The following COL25A1 variants were observed in gnomAD, a reference collection of about 807,000 sequenced individuals.
COL25A1 encodes the protein collagen type XXV alpha 1 chain.
Under a neutral mutation model 128.4 loss-of-function variants are expected in COL25A1, and 103 were observed. The ratio of observed to expected loss-of-function variants is 0.80; its 90% CI spans 0.68 to 0.94. The LOEUF (loss-of-function observed/expected upper bound fraction) is 0.94, where lower values mean the gene tolerates loss of function less well. COL25A1 is among the 40% of genes least tolerant of loss of function. The pLI is 0.00. For synonymous variants in COL25A1, 279 were observed against 277.2 expected, an observed-to-expected ratio of 1.01 and a Z score of -0.06; for missense variants, 745 against 840.0, an observed-to-expected ratio of 0.89 and a Z score of 1.40.
intron 3 of COL25A1, among the ~76,000 whole-genome samples, chr4:109,163,834 T>C (rs1772815062): frequency 6.6e-6 from 1 of 152,176 alleles, no homozygotes; most frequent in South Asian, 2.1e-4. Context: ...TCATTTTTAT[T>C]TACAAAAGTA....
At chr4:109,174,806 G>A (rs1376105586) in intron 3 of COL25A1, among the ~76,000 whole-genome samples, 1 of 152,112 alleles carries the variant, frequency 6.6e-6, no homozygotes, top group Non-Finnish European at 1.5e-5. Flanking sequence ...ATAGACTAGG[G>A]GTCCTCAAAG....
rs368866403 is a variant in COL25A1 at position 109,023,622 on chromosome 4, C to G, written c.421-13247G>C. Among the ~76,000 whole-genome samples the G allele has an allele frequency of 1.3e-4, 20 of 152,194 alleles. No individual in the cohort carries two copies. In the South Asian group the frequency reaches 3.9e-3, roughly 30 times the overall value. Reference sequence around the variant, plus strand: ...AAAGCAGAAGTTATGTCCAAGGCACCAAGAATGTTCACAGCAAAGAAACTG... The same window carrying G: ...AAAGCAGAAGTTATGTCCAAGGCACGAAGAATGTTCACAGCAAAGAAACTG... On this transcript the variant is annotated intron_variant, in intron 5 of 37. Coordinates refer to ENST00000399132, the MANE Select transcript of COL25A1 (RefSeq NM_198721.4).
intron 32 of COL25A1, among the ~76,000 whole-genome samples, chr4:108,830,572 A>G (rs1030867191): frequency 1.3e-5 from 2 of 152,236 alleles, no homozygotes; most frequent in African/African-American, 2.4e-5. Flanking sequence ...GTACTGATAT[A>G]TGATCCAGTT....
chr4:109,000,743 C>CAAAAAA (rs1180104512), intron 6 of COL25A1, among the ~76,000 whole-genome samples: 10 of 36,420 alleles, frequency 2.7e-4, no homozygotes, highest in African/African-American at 5.1e-4. Flanking sequence ...GAGACTCTGT[C>CAAAAAA]AAAAAAAAAA....
intron 24 of COL25A1, among the ~76,000 whole-genome samples, chr4:108,854,223 C>T (rs566637644): frequency 1.7e-4 from 26 of 152,114 alleles, no homozygotes; most frequent in African/African-American, 5.1e-4. Context: ...TAACTCAAAA[C>T]GGATTAAAGA....
intron 8 of COL25A1, among the ~76,000 whole-genome samples, chr4:108,949,646 G>T (rs916632515): frequency 3.3e-5 from 5 of 151,442 alleles, no homozygotes; most frequent in Non-Finnish European, 7.4e-5. Context: ...TGATTCTCCT[G>T]CCTCAGCCCC....
chr4:108,844,523 G>C lies in COL25A1; in HGVS notation c.1625C>G (p.Pro542Arg). The C allele has an allele frequency of 6.2e-7, 1 of 1,614,066 alleles. No homozygotes were observed. Among genetic ancestry groups the C allele is most frequent in the African/African-American group, 1.3e-5 (1 of 75,046 alleles). Residue 542 changes from proline to arginine, a missense_variant, in exon 30 of 38, where the codon CCC becomes CGC. Physicochemically the swap from Pro to Arg is moderately radical, Grantham distance 103. Transcript: ENST00000399132. ...TCAGAAAGAAGGGAAACTTACCATGGGGCCAGGTGGGCCATGGGGACCTGG... is the reference window on the plus strand; with the variant it reads ...TCAGAAAGAAGGGAAACTTACCATGCGGCCAGGTGGGCCATGGGGACCTGG... ...GPPGPHGPPG[P>R]MGPHGLPGPK... is the part of the protein sequence containing the mutation.
intron 11 of COL25A1, among the ~76,000 whole-genome samples, chr4:108,923,559 T>A (rs1016000302): frequency 6.6e-6 from 1 of 152,148 alleles, no homozygotes; most frequent in Non-Finnish European, 1.5e-5. Context: ...TTGCCCAGGC[T>A]GGTCTCAAAC....
At chr4:109,292,646 G>T (rs1449343407) in intron 3 of COL25A1, among the ~76,000 whole-genome samples, 1 of 151,972 alleles carries the variant, frequency 6.6e-6, no homozygotes, top group Non-Finnish European at 1.5e-5. Flanking sequence ...ATGGGGGTTT[G>T]GAGAGCCCGT....
At chr4:109,226,313 C>T (rs1030950734) in intron 3 of COL25A1, among the ~76,000 whole-genome samples, 2 of 152,072 alleles carry the variant, frequency 1.3e-5, no homozygotes, top group Non-Finnish European at 2.9e-5. Context: ...AAAGCTCAGA[C>T]TTTACCACTG....
chr4:109,179,319 G>A (rs1289849589), intron 3 of COL25A1, among the ~76,000 whole-genome samples: 1 of 152,148 alleles, frequency 6.6e-6, no homozygotes, highest in Non-Finnish European at 1.5e-5. Flanking sequence ...TGACACAACA[G>A]CTGTTTGGGC....
chr4:108,904,278 C>T (rs1042844627), intron 13 of COL25A1, among the ~76,000 whole-genome samples: 4 of 152,030 alleles, frequency 2.6e-5, no homozygotes, highest in Admixed American at 1.3e-4. Flanking sequence ...GCCCAAAGAG[C>T]TTATTTTTGA....
chr4:108,952,717 AC>A (rs1240111772), intron 8 of COL25A1, among the ~76,000 whole-genome samples: 1 of 152,010 alleles, frequency 6.6e-6, no homozygotes, highest in African/African-American at 2.4e-5. Flanking sequence ...GAAACAGTCT[AC>A]ATCTGGGAGA....
chr4:108,844,049 C>A (rs1337795487), intron 30 of COL25A1, among the ~76,000 whole-genome samples: 1 of 152,146 alleles, frequency 6.6e-6, no homozygotes, highest in Non-Finnish European at 1.5e-5. Context: ...CAGGCATGTG[C>A]CACCATGGCC....
intron 3 of COL25A1, among the ~76,000 whole-genome samples, chr4:109,061,536 A>G (rs1460792678): frequency 2.0e-5 from 3 of 152,232 alleles, no homozygotes; most frequent in Non-Finnish European, 2.9e-5. Flanking sequence ...TCATGCATAT[A>G]AAAAGTGCTC....
chr4:109,069,010 A>G (rs1762695892), intron 3 of COL25A1, among the ~76,000 whole-genome samples: 1 of 152,152 alleles, frequency 6.6e-6, no homozygotes, highest in Non-Finnish European at 1.5e-5. Flanking sequence ...TATGAATAGC[A>G]CAGGCTATGA....
intron 5 of COL25A1, among the ~76,000 whole-genome samples, chr4:109,027,430 A>AG (rs1758406021): frequency 7.7e-6 from 1 of 129,982 alleles, no homozygotes; most frequent in Admixed American, 8.1e-5. Context: ...ACAGAGCAGG[A>AG]GGGAGGAGAT....
chr4:109,215,916 C>A (rs1578463826), intron 3 of COL25A1, among the ~76,000 whole-genome samples: 1 of 152,064 alleles, frequency 6.6e-6, no homozygotes, highest in South Asian at 2.1e-4. Context: ...ATAGAAAGAC[C>A]TTTTTAATAC....
At chr4:109,245,236 T>C (rs970144062) in intron 3 of COL25A1, among the ~76,000 whole-genome samples, 1 of 152,168 alleles carries the variant, frequency 6.6e-6, no homozygotes, top group African/African-American at 2.4e-5. Context: ...ATCCTTATCA[T>C]AGACCAATAT....
Sources: gnomAD v4.1 joint callset for allele counts (sites outside exome capture counted in the v4.1 genomes callset) on GRCh38, gnomAD v4.1.1 for gene constraint, MANE v1.5 for transcripts, NCBI Gene and HGNC (gene_info 2026-07-23, HGNC 2026-07-21) for gene names.